Variants in TMEM30A observed in about 807,000 individuals in gnomAD.
The protein encoded by TMEM30A is cell division cycle 50 P4-ATPase accessory subunit A, also known as cell cycle control protein 50A.
A neutral mutation model predicts 38.2 loss-of-function variants in TMEM30A; 24 were observed. That is an observed-to-expected ratio of 0.63 (90% CI 0.46 to 0.88). TMEM30A has a LOEUF of 0.88. Ranked by LOEUF, TMEM30A falls within the 40% of genes least tolerant of loss-of-function variation. The probability of loss-of-function intolerance (pLI) is 0.00; values close to 1 mark genes in which losing one functional copy is unlikely to be tolerated. For synonymous variants in TMEM30A, 145 were observed against 161.6 expected (o/e 0.90, Z 0.78); for missense variants, 370 against 458.6 (o/e 0.81, Z 1.77).
rs1771866098 is a variant in TMEM30A at position 75,256,292 on chromosome 6, T to C, written c.896A>G (p.Tyr299Cys). The C allele has an allele frequency of 6.2e-7, 1 of 1,611,700 alleles. No homozygotes were observed. The highest frequency in any genetic ancestry group is 8.5e-7 in the Non-Finnish European group (1 of 1,178,492). The change falls in exon 7 of 7, where the codon TAC becomes TGC. Residue 299 changes from tyrosine to cysteine, a missense_variant. Coordinates refer to ENST00000230461, the MANE Select transcript of TMEM30A (RefSeq NM_018247.4). ...TCGTCCATCAAAATAATGTACAGGG[T>C]AATCTGAAGAGGGTATAGGAAGATT... ...GRYSLNVTYN[Y>C]PVHYFDGRKR...
intron 3 of TMEM30A, among the ~76,000 whole-genome samples, 196 bp downstream of exon 3, chr6:75,265,035 T>A (rs1772043932): frequency 1.3e-5 from 2 of 151,804 alleles, no homozygotes; most frequent in South Asian, 4.2e-4. Context: ...GGGTGGAGGT[T>A]GCAGTGAGCT....
chr6:75,258,542 T>C (rs928447957), intron 6 of TMEM30A, among the ~76,000 whole-genome samples: 1 of 152,148 alleles, frequency 6.6e-6, no homozygotes, highest in Admixed American at 6.6e-5. Flanking sequence ...AGCACCTATA[T>C]TTTAAGTAAT....
chr6:75,260,354 C>T (rs934300199), intron 4 of TMEM30A, among the ~76,000 whole-genome samples: 7 of 151,738 alleles, frequency 4.6e-5, no homozygotes, highest in Non-Finnish European at 1.0e-4. Flanking sequence ...TGCAGTGAGC[C>T]GACGTCGCGC....
intron 1 of TMEM30A, among the ~76,000 whole-genome samples, chr6:75,278,666 C>T (rs1772303651): frequency 6.6e-6 from 1 of 152,152 alleles, no homozygotes; most frequent in Non-Finnish European, 1.5e-5. Context: ...AGCCATTTTA[C>T]ATGAGACTGA....
chr6:75,273,977 A>T (rs1772217517), intron 1 of TMEM30A, among the ~76,000 whole-genome samples: 1 of 152,248 alleles, frequency 6.6e-6, no homozygotes, highest in Non-Finnish European at 1.5e-5. Context: ...AAAATGGAAA[A>T]ATACATTGTT....
In TMEM30A at chr6:75,267,695, C is replaced by T. The variant is rs777831444; in HGVS notation, c.291G>A (p.Pro97=). The change falls in exon 2 of 7, where the codon CCG becomes CCA. Residue 97 remains proline (P), a synonymous_variant. Coordinates refer to ENST00000230461, the MANE Select transcript of TMEM30A (RefSeq NM_018247.4). Reference sequence around the variant, plus strand: ...TGGTACAAAAGCAAGGTGTCACATCCGGAGATAAACATTTATTACAGGGAC... The same window carrying T: ...TGGTACAAAAGCAAGGTGTCACATCTGGAGATAAACATTTATTACAGGGAC... ...PSSPCNKCLS[P]DVTPCFCTIN... 16 of 1,611,208 alleles carry T rather than the reference C, an allele frequency of 9.9e-6. No individual in the cohort carries two copies. The East Asian group carries it at 1.3e-4, about 14-fold the overall frequency.
rs540304666 is a variant in TMEM30A, at chr6:75,283,586, A to G, written c.237+816T>C. Among the ~76,000 whole-genome samples, 7 of 152,158 alleles carry G rather than the reference A, an allele frequency of 4.6e-5. No individual in the cohort carries two copies. In the South Asian group the frequency reaches 6.2e-4, roughly 13 times the overall value. ...ATGTCTTACACATTCAGCAAAGTTAATATCAGTAAAATGTTTGGTAGACAG... is the reference window on the plus strand; with the variant it reads ...ATGTCTTACACATTCAGCAAAGTTAGTATCAGTAAAATGTTTGGTAGACAG... On this transcript the variant is annotated intron_variant, in intron 1 of 6. Coordinates refer to ENST00000230461, the MANE Select transcript of TMEM30A (RefSeq NM_018247.4).
At chr6:75,266,166 T>C (rs922220337) in intron 2 of TMEM30A, among the ~76,000 whole-genome samples, 9 of 152,196 alleles carry the variant, frequency 5.9e-5, no homozygotes, top group Non-Finnish European at 1.2e-4. Flanking sequence ...TTCTCCTTTC[T>C]GGTTGCTACC....
Position 75,260,810 on chromosome 6 carries a change from T to TA in TMEM30A, c.541+13dup. On this transcript the variant is annotated intron_variant, in intron 4 of 6. Transcript: ENST00000230461. ...TCCTAATTATATATGTCTATATTTG[T>TA]ATCTATATCATACCATTAAACATGC... The TA allele has an allele frequency of 1.3e-6, 2 of 1,506,948 alleles. No individual in the cohort carries two copies. Among genetic ancestry groups the TA allele is most frequent in the Non-Finnish European group, 1.8e-6 (2 of 1,117,602 alleles). 93.3% of individuals were successfully genotyped at this position (1,506,948 alleles called of 1,614,324 possible). A position where few individuals can be genotyped will look rare whatever the true frequency, so the allele number is the denominator to read the frequency against.
In TMEM30A at chr6:75,258,790, A is replaced by C. The variant is rs1254122315; in HGVS notation, c.882T>G (p.Asn294Lys). 8 of 1,613,652 alleles carry C rather than the reference A, an allele frequency of 5.0e-6. No homozygotes were observed. In the African/African-American group the frequency reaches 1.1e-4, roughly 22 times the overall value. ...PTLPAGRYSL[N>K]VTYNYPVHYF... ...GCCAAAAAAGGATACTGTATGTGAC[A>C]TTCAAAGAGTATCGGCCAGCTGGTA... The change falls in exon 6 of 7, where the codon AAT becomes AAG. Residue 294 changes from asparagine to lysine, a missense_variant. Transcript: ENST00000230461.
intron 6 of TMEM30A, 34 bp downstream of exon 6, chr6:75,258,746 C>T: frequency 1.3e-6 from 2 of 1,597,930 alleles, no homozygotes; most frequent in South Asian, 2.2e-5. Flanking sequence ...CTTTCAAGCT[C>T]TATGAATCTG....
intron 4 of TMEM30A, 121 bp downstream of exon 4, chr6:75,260,703 G>T: frequency 3.9e-6 from 2 of 514,464 alleles, no homozygotes; most frequent in Non-Finnish European, 6.5e-6. Flanking sequence ...TTCAATACTC[G>T]ATTTAGTCTT....
intron 1 of TMEM30A, among the ~76,000 whole-genome samples, chr6:75,281,103 A>G (rs1177043037): frequency 6.6e-6 from 1 of 152,112 alleles, no homozygotes; most frequent in Non-Finnish European, 1.5e-5. Context: ...ATGTACCTTA[A>G]ATGTTTTTGG....
At chr6:75,263,404 T>C (rs1338000557) in intron 3 of TMEM30A, among the ~76,000 whole-genome samples, 3 of 152,220 alleles carry the variant, frequency 2.0e-5, no homozygotes, top group African/African-American at 7.2e-5. Flanking sequence ...AACTTCACTA[T>C]AGCTGCTATG....
At chr6:75,266,037 C>T (rs754429039) in intron 2 of TMEM30A, among the ~76,000 whole-genome samples, 8 of 152,026 alleles carry the variant, frequency 5.3e-5, no homozygotes, top group Non-Finnish European at 1.0e-4. Flanking sequence ...TTTAATAGCG[C>T]CAACTTTGAA....
rs1772439132 is a variant in TMEM30A at position 75,284,748 on chromosome 6, C to G, written c.-110G>C. On this transcript the variant is annotated 5_prime_UTR_variant, in exon 1 of 7. Coordinates refer to ENST00000230461, the MANE Select transcript of TMEM30A (RefSeq NM_018247.4). ...CCGCTGCCGCCGCCGCCGCCGCAGC[C>G]ACCAGCGCCACCGCCACAGCCACCT... 2 of 981,428 alleles carry G rather than the reference C, an allele frequency of 2.0e-6. No homozygotes were observed. The highest frequency in any genetic ancestry group is 3.2e-5 in the African/African-American group (2 of 62,864). The allele number at this position is 981,428 out of a possible 1,614,324, so 60.8% of individuals were successfully genotyped here.
chr6:75,261,195 C>T (rs539774814), intron 3 of TMEM30A, among the ~76,000 whole-genome samples: 1 of 152,208 alleles, frequency 6.6e-6, no homozygotes, highest in East Asian at 1.9e-4. Context: ...ATCACAGAAA[C>T]ATTACCACAA....
intron 3 of TMEM30A, among the ~76,000 whole-genome samples, chr6:75,261,205 A>C (rs1321956544): frequency 2.0e-5 from 3 of 152,202 alleles, no homozygotes; most frequent in Admixed American, 2.0e-4. Flanking sequence ...CATTACCACA[A>C]AGGGTTTTCT....
intron 6 of TMEM30A, among the ~76,000 whole-genome samples, chr6:75,256,934 G>T (rs1771877419): frequency 6.6e-6 from 1 of 152,114 alleles, no homozygotes; most frequent in South Asian, 2.1e-4. Context: ...TGGACCAGTT[G>T]TAGAATTTTG....
Sources: gnomAD v4.1 joint callset for allele counts (sites outside exome capture counted in the v4.1 genomes callset) on GRCh38, gnomAD v4.1.1 for gene constraint, MANE v1.5 for transcripts, NCBI Gene and HGNC (gene_info 2026-07-23, HGNC 2026-07-21) for gene names.